Variants in ADCY8 observed in about 807,000 individuals in gnomAD.
ADCY8 encodes adenylate cyclase 8, also known as adenylate cyclase type 8.
Under a neutral mutation model 119.7 loss-of-function variants are expected in ADCY8, and 51 were observed. The ratio of observed to expected loss-of-function variants is 0.43; its 90% confidence interval spans 0.34 to 0.54. The LOEUF is 0.54. Ranked by LOEUF, ADCY8 falls within the 20% of genes least tolerant of loss-of-function variation. ADCY8 has a pLI of 0.03. For missense variants in ADCY8, 1,383 were observed against 1,598.8 expected (o/e 0.87, Z 2.30); for synonymous variants, 665 against 651.0 (o/e 1.02, Z -0.33).
At chr8:130,800,357 CA>C (rs1381695163) in intron 15 of ADCY8, 68 bp downstream of exon 15, 10 of 1,545,814 alleles carry the variant, frequency 6.5e-6, no homozygotes, top group Non-Finnish European at 7.9e-6. Context: ...GTAATTCCTA[CA>C]ATGAATAACA....
chr8:130,974,226 A>C (rs1173661265), intron 2 of ADCY8, among the ~76,000 whole-genome samples: 1 of 152,150 alleles, frequency 6.6e-6, no homozygotes, highest in Non-Finnish European at 1.5e-5. Context: ...GTCTTGGATG[A>C]GGGACAGATG....
intron 8 of ADCY8, among the ~76,000 whole-genome samples, chr8:130,883,999 A>G (rs1024509007): frequency 3.3e-5 from 5 of 152,106 alleles, no homozygotes; most frequent in African/African-American, 9.6e-5. Flanking sequence ...CTAAGTTCAC[A>G]TAGCAAGAAA....
intron 1 of ADCY8, among the ~76,000 whole-genome samples, chr8:131,000,879 AG>A (rs1822924223): frequency 6.6e-6 from 1 of 152,064 alleles, no homozygotes; most frequent in Non-Finnish European, 1.5e-5. Context: ...AGGCCTTTCC[AG>A]CACAGTCTAG....
At chr8:130,855,660 C>A (rs570122706) in intron 9 of ADCY8, among the ~76,000 whole-genome samples, 5 of 152,004 alleles carry the variant, frequency 3.3e-5, no homozygotes, top group Admixed American at 6.5e-5. Flanking sequence ...GACAGTGGCC[C>A]CTTCTCCTGT....
At chr8:130,894,235 C>T (rs953225542) in intron 7 of ADCY8, among the ~76,000 whole-genome samples, 4 of 152,136 alleles carry the variant, frequency 2.6e-5, no homozygotes, top group African/African-American at 4.8e-5. Flanking sequence ...AAAGAAGAAA[C>T]GGTCTATGTT....
In ADCY8 at chr8:130,937,155, A is replaced by T. The variant is rs1563736085; in HGVS notation, c.1399T>A (p.Cys467Ser). The T allele has an allele frequency of 6.2e-7, 1 of 1,613,848 alleles. No individual in the cohort carries two copies. Among genetic ancestry groups the T allele is most frequent in the East Asian group, 2.2e-5 (1 of 44,878 alleles). The change falls in exon 5 of 18, where the codon TGC becomes AGC. Residue 467 changes from cysteine (C) to serine (S), a missense_variant. Cys to Ser is a moderately radical substitution (Grantham distance 112). This residue lies in a region of ADCY8 where 928 missense variants were observed against 1,163.5 expected (regional missense o/e 0.80). Coordinates refer to ENST00000286355, the MANE Select transcript of ADCY8 (RefSeq NM_001115.3). The stretch of plus-strand genomic sequence containing the variant: ...CGGGGCTCAGGAAGTCCAGACACGC[A>T]GTAGTAGCAGTCCCCCAGGATTTTA... ...RIKILGDCYY[C>S]VSGLPEPRQD... is the part of the protein sequence containing the mutation.
In ADCY8 at chr8:131,020,344, AAGG is replaced by A. The variant is rs566381346; in HGVS notation, c.960+19027_960+19029del. On this transcript the variant is annotated intron_variant, in intron 1 of 17. Coordinates refer to ENST00000286355, the MANE Select transcript of ADCY8 (RefSeq NM_001115.3). ...ACCAGTATCTTCTGCTCTAGAGTGGAAGGAGAAGACACGGATTGGATGCACTTG... is the reference window on the plus strand; with the variant it reads ...ACCAGTATCTTCTGCTCTAGAGTGGAAGAAGACACGGATTGGATGCACTTG... Among the ~76,000 whole-genome samples, 578 of 152,258 alleles carry A rather than the reference AAGG, an allele frequency of 3.8e-3. 1 individual carries two copies. The highest frequency in any genetic ancestry group is 0.014 in the African/African-American group (562 of 41,562).
At chr8:131,034,925 A>G (rs1304873952) in intron 1 of ADCY8, among the ~76,000 whole-genome samples, 2 of 152,178 alleles carry the variant, frequency 1.3e-5, no homozygotes, top group Non-Finnish European at 2.9e-5. Context: ...TTTCAAATGT[A>G]AGATAGCTCA....
chr8:130,819,222 T>C (rs1483416246), intron 13 of ADCY8, among the ~76,000 whole-genome samples: 2 of 152,314 alleles, frequency 1.3e-5, no homozygotes, highest in East Asian at 3.9e-4. Context: ...TTCCAAAGCC[T>C]GTACTTGTAA....
At chr8:130,929,759 ATAG>A (rs1350168399) in intron 5 of ADCY8, among the ~76,000 whole-genome samples, 1 of 152,150 alleles carries the variant, frequency 6.6e-6, no homozygotes, top group Non-Finnish European at 1.5e-5. Flanking sequence ...TAGTTATAAT[ATAG>A]TATTATCTTT....
intron 15 of ADCY8, among the ~76,000 whole-genome samples, chr8:130,797,028 G>T (rs2130096321): frequency 6.6e-6 from 1 of 152,216 alleles, no homozygotes; most frequent in Middle Eastern, 3.4e-3. Context: ...CAACAATTTG[G>T]TTCACTGAGA....
chr8:131,015,831 C>A (rs1335908168), intron 1 of ADCY8, among the ~76,000 whole-genome samples: 2 of 152,142 alleles, frequency 1.3e-5, no homozygotes, highest in Non-Finnish European at 2.9e-5. Flanking sequence ...GGGCTGGACC[C>A]AAACTCAGAC....
intron 5 of ADCY8, among the ~76,000 whole-genome samples, chr8:130,926,800 A>G (rs1820480293): frequency 6.6e-6 from 1 of 152,068 alleles, no homozygotes. Context: ...GTTAGCTTCT[A>G]TAGCTTCCAC....
chr8:130,828,382 C>T (rs990901515), intron 12 of ADCY8, among the ~76,000 whole-genome samples: 1 of 152,202 alleles, frequency 6.6e-6, no homozygotes, highest in Non-Finnish European at 1.5e-5. Context: ...CTGGAGGGCA[C>T]ATGGCACTTC....
At chr8:130,824,196 T>G (rs949544553) in intron 12 of ADCY8, among the ~76,000 whole-genome samples, 1 of 152,228 alleles carries the variant, frequency 6.6e-6, no homozygotes, top group Admixed American at 6.5e-5. Context: ...TCTATGACAC[T>G]CATAATAAAC....
At chr8:130,925,949 G>C (rs1820453086) in intron 5 of ADCY8, among the ~76,000 whole-genome samples, 1 of 152,060 alleles carries the variant, frequency 6.6e-6, no homozygotes, top group Non-Finnish European at 1.5e-5. Flanking sequence ...AGTGTCAAGG[G>C]GAGAGAGAGT....
At chr8:130,889,957 C>T (rs1225821551) in intron 7 of ADCY8, among the ~76,000 whole-genome samples, 1 of 152,118 alleles carries the variant, frequency 6.6e-6, no homozygotes, top group African/African-American at 2.4e-5. Flanking sequence ...ATCACCATTA[C>T]TATGATTCAT....
At chr8:130,880,970 C>A (rs949892569) in intron 8 of ADCY8, among the ~76,000 whole-genome samples, 24 of 152,156 alleles carry the variant, frequency 1.6e-4, no homozygotes, top group Admixed American at 2.0e-4. Context: ...AAGATATGTT[C>A]GCTAAGCTAC....
chr8:131,015,853 G>A (rs911495426), intron 1 of ADCY8, among the ~76,000 whole-genome samples: 1 of 152,154 alleles, frequency 6.6e-6, no homozygotes, highest in Non-Finnish European at 1.5e-5. Flanking sequence ...CAAATCTGAT[G>A]ATTCCAAATG....
Sources: gnomAD v4.1 joint callset for allele counts (sites outside exome capture counted in the v4.1 genomes callset) on GRCh38, gnomAD v4.1.1 for gene constraint, gnomAD v4.1.1 regional missense constraint, MANE v1.5 for transcripts, NCBI Gene and HGNC (gene_info 2026-07-23, HGNC 2026-07-21) for gene names.